EXPH5: variants seen among roughly 807,000 people sequenced by gnomAD.
The protein encoded by EXPH5 is exophilin-5.
EXPH5 carries 42 observed loss-of-function variants against 41.1 expected under a neutral mutation model. The observed-to-expected ratio is 1.02, with a 90% CI of 0.80 to 1.32. EXPH5 has a LOEUF of 1.32. EXPH5 is among the 40% of genes most tolerant of loss of function. The pLI, the probability that EXPH5 is intolerant of heterozygous loss-of-function variation, is 0.00. For missense variants in EXPH5, 2,298 were observed against 2,314.5 expected, an observed-to-expected ratio of 0.99 and a Z score of 0.15; for synonymous variants, 798 against 833.5, an observed-to-expected ratio of 0.96 and a Z score of 0.73.
chr11:108,605,096 C>T, the EXPH5 span, among the ~76,000 whole-genome samples: 1 of 152,138 alleles, frequency 6.6e-6, no homozygotes, highest in African/African-American at 2.4e-5. Flanking sequence ...AAAAAAAATT[C>T]TGGGACAAGA....
intron 1 of EXPH5, among the ~76,000 whole-genome samples, chr11:108,589,442 A>G (rs762370801): frequency 1.3e-5 from 2 of 152,158 alleles, no homozygotes; most frequent in Non-Finnish European, 2.9e-5. Context: ...TCCTGTTCAG[A>G]CCTGTGCCAC....
In EXPH5 at chr11:108,519,774, A is replaced by C. The variant is rs551042390; in HGVS notation, c.493-1401T>G. Among the ~76,000 whole-genome samples the C allele has an allele frequency of 1.3e-4, 20 of 151,132 alleles. No individual in the cohort carries two copies. In the South Asian group the frequency reaches 3.4e-3, roughly 25 times the overall value. ...GAAAAAAAGAAAAAAAGAAAAAAAA[A>C]CCCACAAAAAACCAAAAATACAAAA... On this transcript the variant is annotated intron_variant, in intron 4 of 5. Transcript: ENST00000265843.
At chr11:108,529,417 C>T (rs577899083) in intron 3 of EXPH5, among the ~76,000 whole-genome samples, 74 of 152,284 alleles carry the variant, frequency 4.9e-4, no homozygotes, top group Middle Eastern at 6.8e-3. Flanking sequence ...ACTGTGGCCT[C>T]GACCTCCTGG....
At chr11:108,531,207 T>G (rs771242326) in intron 3 of EXPH5, among the ~76,000 whole-genome samples, 14 of 152,214 alleles carry the variant, frequency 9.2e-5, no homozygotes, top group Non-Finnish European at 1.8e-4. Context: ...CTCTCCATCC[T>G]TCACATCACC....
chr11:108,510,054 C>G lies in EXPH5; in HGVS notation c.5453G>C (p.Arg1818Pro), dbSNP rs201149792. The G allele has an allele frequency of 1.9e-6, 3 of 1,610,726 alleles. No homozygotes were observed. The highest frequency in any genetic ancestry group is 2.2e-5 in the South Asian group (2 of 90,382). ...RKSHPPKVRE[R>P]HFSESTSIDN... ...AATAGAAGTGCTTTCAGAAAAATGG[C>G]GCTCCCTGACTTTTGGAGGATGGCT... Residue 1818 changes from arginine (R) to proline (P), a missense_variant, in exon 6 of 6, where the codon CGC (arginine) becomes CCC (proline). Transcript: ENST00000265843.
intron 4 of EXPH5, among the ~76,000 whole-genome samples, chr11:108,522,074 A>G (rs772535715): frequency 6.6e-6 from 1 of 152,030 alleles, no homozygotes; most frequent in Non-Finnish European, 1.5e-5. Context: ...GACCTATCCT[A>G]CTCAACGTGT....
chr11:108,566,735 T>C (rs1205534441), intron 1 of EXPH5, among the ~76,000 whole-genome samples: 1 of 152,194 alleles, frequency 6.6e-6, no homozygotes, highest in Non-Finnish European at 1.5e-5. Context: ...TCTGAAATTC[T>C]CTCATTTTCT....
In EXPH5 at chr11:108,513,858, G is replaced by A; in HGVS notation, c.1649C>T (p.Pro550Leu). The change falls in exon 6 of 6, where the codon CCT becomes CTT. Residue 550 changes from proline to leucine, a missense_variant. By Grantham distance (98) the Pro-to-Leu change is moderately conservative. Transcript: ENST00000265843. Reference sequence around the variant, plus strand: ...GGATCTCTGAAAATCAAACTGCCAAGGATGTGGCTCTTCTTGGCCTCTGGA... The same window carrying A: ...GGATCTCTGAAAATCAAACTGCCAAAGATGTGGCTCTTCTTGGCCTCTGGA... ...DVSRGQEEPH[P>L]WQFDFQRSTL... is the part of the protein sequence containing the mutation. 1 of 1,544,836 alleles carries A rather than the reference G, an allele frequency of 6.5e-7. No homozygotes were observed. Among genetic ancestry groups the A allele is most frequent in the Non-Finnish European group, 8.7e-7 (1 of 1,143,126 alleles).
At chr11:108,521,848 A>C (rs996377368) in intron 4 of EXPH5, among the ~76,000 whole-genome samples, 1 of 152,198 alleles carries the variant, frequency 6.6e-6, no homozygotes, top group African/African-American at 2.4e-5. Context: ...TTTAACACCA[A>C]ACAATCTTTT....
chr11:108,540,904 A>AT (rs1171368632), intron 2 of EXPH5, among the ~76,000 whole-genome samples: 3 of 140,524 alleles, frequency 2.1e-5, no homozygotes, highest in Admixed American at 1.5e-4. Context: ...TTAATATTCT[A>AT]TTATTTTTTT....
chr11:108,560,288 A>G (rs1481041525), intron 1 of EXPH5, among the ~76,000 whole-genome samples: 1 of 152,240 alleles, frequency 6.6e-6, no homozygotes, highest in African/African-American at 2.4e-5. Context: ...GTTAAAGCTC[A>G]TTGGTTTGGA....
At chr11:108,596,842 G>A (rs1009569597), upstream of EXPH5, among the ~76,000 whole-genome samples, 15 of 152,308 alleles carry the variant, frequency 9.8e-5, no homozygotes, top group African/African-American at 3.1e-4. Flanking sequence ...AAACCATACA[G>A]AACTGCTTTT....
At chr11:108,536,301 G>C (rs1247398220) in intron 3 of EXPH5, among the ~76,000 whole-genome samples, 2 of 150,412 alleles carry the variant, frequency 1.3e-5, no homozygotes, top group Non-Finnish European at 3.0e-5. Context: ...TTTTGAAACA[G>C]GGTTTCACTC....
chr11:108,541,908 T>C, intron 1 of EXPH5, 96 bp from the exon 2 acceptor site: 1 of 970,388 alleles, frequency 1.0e-6, no homozygotes, highest in African/African-American at 1.7e-5. Flanking sequence ...TATGGGGGTC[T>C]CATTCTGTCA....
intron 5 of EXPH5, among the ~76,000 whole-genome samples, chr11:108,516,480 T>G (rs1296498999): frequency 6.6e-6 from 1 of 152,048 alleles, no homozygotes; most frequent in East Asian, 1.9e-4. Flanking sequence ...GTGTGTAGAC[T>G]CTCTAAGACC....
chr11:108,523,865 C>G (rs897587164), intron 4 of EXPH5, among the ~76,000 whole-genome samples: 1 of 151,654 alleles, frequency 6.6e-6, no homozygotes, highest in African/African-American at 2.4e-5. Flanking sequence ...GAGTGAGACT[C>G]CATCTCAAAA....
the EXPH5 span, among the ~76,000 whole-genome samples, chr11:108,603,003 G>A: frequency 1.3e-5 from 2 of 152,150 alleles, no homozygotes; most frequent in African/African-American, 4.8e-5. Flanking sequence ...GATAGTGAGT[G>A]AATTCTTGTG....
intron 1 of EXPH5, among the ~76,000 whole-genome samples, chr11:108,542,710 A>G (rs2093919087): frequency 6.6e-6 from 1 of 152,096 alleles, no homozygotes; most frequent in African/African-American, 2.4e-5. Flanking sequence ...GAATGTAACA[A>G]TCTTATTAAT....
chr11:108,505,736 A>T lies in EXPH5; in HGVS notation c.*3801T>A, dbSNP rs1355198107. 6.6e-6 allele frequency: 1 copy of T among 152,244 alleles called. No homozygotes were observed. The highest frequency in any genetic ancestry group is 1.5e-5 in the Non-Finnish European group (1 of 68,038). 9.4% of individuals were successfully genotyped at this position (152,244 alleles called of 1,614,324 possible). On this transcript the variant is annotated 3_prime_UTR_variant, in exon 6 of 6. Coordinates refer to ENST00000265843, the MANE Select transcript of EXPH5 (RefSeq NM_015065.3). ...TTATTATCAATAAACTCTAAGCAAG[A>T]AGTTCTCTTAAACCCTCTGGCACTT...
Sources: allele counts gnomAD v4.1 joint callset (sites outside exome capture counted in the v4.1 genomes callset), GRCh38; gene constraint gnomAD v4.1.1; transcripts MANE v1.5; gene names NCBI Gene and HGNC (gene_info 2026-07-23, HGNC 2026-07-21).